The following CDK14 variants were observed in gnomAD, a reference collection of about 807,000 sequenced individuals.
CDK14 encodes the protein cyclin-dependent kinase 14.
Under a neutral mutation model 60.7 loss-of-function variants are expected in CDK14, and 34 were observed. The ratio of observed to expected loss-of-function variants is 0.56; its 90% CI spans 0.43 to 0.75. The LOEUF (loss-of-function observed/expected upper bound fraction) is 0.75, where lower values mean the gene tolerates loss of function less well. CDK14 is among the 30% of genes least tolerant of loss of function. CDK14 has a pLI of 0.00. For synonymous variants in CDK14, 197 were observed against 203.7 expected (o/e 0.97, Z 0.28); for missense variants, 482 against 564.1 (o/e 0.85, Z 1.47).
At position 90,923,107 on chromosome 7, in the gene CDK14, C is replaced by CTT. The variant is rs1319576107; in HGVS notation, c.826+5401_826+5402dup. On this transcript the variant is annotated intron_variant, in intron 8 of 14. Transcript: ENST00000380050. ...AGAATAATTTCACTGCCCTAAACAT[C>CTT]TTTTTTTTTTTTTTTTTTTGAGATG... 2.6e-3 allele frequency among the ~76,000 whole-genome samples: 337 copies of CTT among 129,336 alleles called. 5 individuals are homozygous for CTT. The highest frequency in any genetic ancestry group is 3.1e-3 in the Non-Finnish European group (187 of 61,146). The allele number at this position is 129,336 out of a possible 152,430, so 84.8% of individuals were successfully genotyped here. A position where few individuals can be genotyped will look rare whatever the true frequency, so the allele number is the denominator to read the frequency against.
At chr7:90,913,478 T>C (rs1488744285) in intron 7 of CDK14, among the ~76,000 whole-genome samples, 1 of 152,242 alleles carries the variant, frequency 6.6e-6, no homozygotes. Context: ...ACAAACTTAT[T>C]TTAATGTGCA....
At chr7:90,864,567 TA>T (rs769334906) in intron 6 of CDK14, among the ~76,000 whole-genome samples, 1 of 152,096 alleles carries the variant, frequency 6.6e-6, no homozygotes, top group African/African-American at 2.4e-5. Flanking sequence ...ATTAGATAAT[TA>T]AAAGGAAGGA....
intron 7 of CDK14, among the ~76,000 whole-genome samples, chr7:90,900,479 A>G (rs1383711850): frequency 6.6e-6 from 1 of 152,196 alleles, no homozygotes; most frequent in Non-Finnish European, 1.5e-5. Context: ...TCTATGTTCA[A>G]TTCCAACTCT....
intron 12 of CDK14, among the ~76,000 whole-genome samples, chr7:91,082,575 G>C (rs1024357943): frequency 1.3e-5 from 2 of 152,128 alleles, no homozygotes; most frequent in African/African-American, 4.8e-5. Flanking sequence ...CAAAAATAGA[G>C]AAGAAAAATC....
intron 14 of CDK14, among the ~76,000 whole-genome samples, chr7:91,166,307 A>C (rs1801344918): frequency 1.3e-5 from 2 of 152,188 alleles, no homozygotes; most frequent in Non-Finnish European, 2.9e-5. Context: ...GAAAGACCAA[A>C]TATCATCCCA....
chr7:90,753,404 G>A (rs920597706), intron 4 of CDK14, among the ~76,000 whole-genome samples: 4 of 152,060 alleles, frequency 2.6e-5, no homozygotes, highest in East Asian at 1.9e-4. Flanking sequence ...CATCTCAGTC[G>A]ATTTGCAAAA....
chr7:91,002,265 T>C (rs975733893), intron 10 of CDK14, among the ~76,000 whole-genome samples: 3 of 152,234 alleles, frequency 2.0e-5, no homozygotes, highest in Middle Eastern at 3.2e-3. Context: ...TGAGAAGCAC[T>C]AGATCAAATG....
At chr7:90,822,022 A>T (rs1205848117) in intron 5 of CDK14, among the ~76,000 whole-genome samples, 1 of 152,252 alleles carries the variant, frequency 6.6e-6, no homozygotes, top group Non-Finnish European at 1.5e-5. Context: ...CCTGCGGGTG[A>T]ATCAATCCTG....
At chr7:90,719,116 A>T (rs1470467152) in intron 2 of CDK14, among the ~76,000 whole-genome samples, 1 of 152,144 alleles carries the variant, frequency 6.6e-6, no homozygotes, top group Non-Finnish European at 1.5e-5. Flanking sequence ...AGGGAAAAAA[A>T]CAAATGAAAG....
Position 90,596,427 on chromosome 7 carries a change from A to C in CDK14, c.-201A>C, listed in dbSNP as rs1799186428. On this transcript the variant is annotated 5_prime_UTR_variant, in exon 1 of 15. Coordinates refer to ENST00000380050, the MANE Select transcript of CDK14 (RefSeq NM_001287135.2). ...CCACGTAAACCGCCCCCGCCCGCCCAGCTGCGGCCCAGGCCGGAGCGGAGC... is the reference window on the plus strand; with the variant it reads ...CCACGTAAACCGCCCCCGCCCGCCCCGCTGCGGCCCAGGCCGGAGCGGAGC... 6.1e-6 allele frequency: 2 copies of C among 328,046 alleles called. No individual in the cohort carries two copies. The highest frequency in any genetic ancestry group is 4.8e-5 in the East Asian group (1 of 20,738). 20.3% of individuals were successfully genotyped at this position (328,046 alleles called of 1,614,324 possible).
chr7:91,059,550 A>G (rs1175393380), intron 11 of CDK14, among the ~76,000 whole-genome samples: 1 of 152,106 alleles, frequency 6.6e-6, no homozygotes, highest in Non-Finnish European at 1.5e-5. Flanking sequence ...TTAGTGCTAT[A>G]AATTTCCCTC....
At chr7:91,039,390 T>C (rs1797023523) in intron 10 of CDK14, among the ~76,000 whole-genome samples, 1 of 152,152 alleles carries the variant, frequency 6.6e-6, no homozygotes, top group Non-Finnish European at 1.5e-5. Context: ...GTTTATTACA[T>C]GGATGGGAAA....
chr7:90,946,847 C>G (rs1050759276), intron 8 of CDK14, among the ~76,000 whole-genome samples: 1 of 152,136 alleles, frequency 6.6e-6, no homozygotes, highest in Non-Finnish European at 1.5e-5. Flanking sequence ...TAGGCCATTC[C>G]CTTTTCACGG....
chr7:90,915,758 C>G (rs1389552621), intron 7 of CDK14, among the ~76,000 whole-genome samples: 1 of 152,174 alleles, frequency 6.6e-6, no homozygotes, highest in African/African-American at 2.4e-5. Context: ...GCTGTGTGAT[C>G]TTGAGAAACC....
chr7:90,975,179 T>C, intron 9 of CDK14, among the ~76,000 whole-genome samples: 1 of 152,142 alleles, frequency 6.6e-6, no homozygotes, highest in East Asian at 1.9e-4. Context: ...GGGAGGAAAG[T>C]TCTTACTCCT....
At chr7:91,124,510 T>C (rs1441413804) in intron 14 of CDK14, among the ~76,000 whole-genome samples, 2 of 152,134 alleles carry the variant, frequency 1.3e-5, no homozygotes, top group African/African-American at 2.4e-5. Flanking sequence ...TCTTTCCTTT[T>C]TTTTTTCTCT....
intron 2 of CDK14, among the ~76,000 whole-genome samples, chr7:90,618,203 T>C (rs1472612131): frequency 1.3e-5 from 2 of 152,200 alleles, no homozygotes; most frequent in Non-Finnish European, 2.9e-5. Flanking sequence ...AGACAGGTTT[T>C]TAATATTTAC....
intron 10 of CDK14, among the ~76,000 whole-genome samples, chr7:91,027,766 T>C (rs117310906): frequency 0.096 from 2,061 of 21,406 alleles, 72 homozygotes; most frequent in Middle Eastern, 0.19. Flanking sequence ...GGGCCTCTCC[T>C]CTCCCCTCCC....
At chr7:91,067,711 G>A (rs757129656) in intron 11 of CDK14, among the ~76,000 whole-genome samples, 2 of 152,202 alleles carry the variant, frequency 1.3e-5, no homozygotes, top group Non-Finnish European at 2.9e-5. Flanking sequence ...CACATGGCAT[G>A]TTTCACTATC....
Sources: gnomAD v4.1 joint callset for allele counts (sites outside exome capture counted in the v4.1 genomes callset) on GRCh38, gnomAD v4.1.1 for gene constraint, MANE v1.5 for transcripts, NCBI Gene and HGNC (gene_info 2026-07-23, HGNC 2026-07-21) for gene names.